Variants in CEP170 observed in about 807,000 individuals in gnomAD.
The protein encoded by CEP170 is centrosomal protein 170.
CEP170 carries 21 observed loss-of-function variants against 151.9 expected under a neutral mutation model. The ratio of observed to expected loss-of-function variants is 0.14; its 90% CI spans 0.10 to 0.20. The LOEUF (loss-of-function observed/expected upper bound fraction) is 0.20, where lower values mean the gene tolerates loss of function less well. Ranked by LOEUF, CEP170 falls within the 10% of genes least tolerant of loss-of-function variation. The probability of loss-of-function intolerance (pLI) is 1.00; values close to 1 mark genes in which losing one functional copy is unlikely to be tolerated. For missense variants in CEP170, 964 were observed against 1,892.9 expected, an observed-to-expected ratio of 0.51 and a Z score of 9.11; for synonymous variants, 356 against 648.8, an observed-to-expected ratio of 0.55 and a Z score of 6.86.
At chr1:243,172,130 A>G (rs2058891553) in intron 11 of CEP170, among the ~76,000 whole-genome samples, 1 of 152,216 alleles carries the variant, frequency 6.6e-6, no homozygotes, top group Admixed American at 6.5e-5. Context: ...GCCAATCAGA[A>G]CCATGAGCAT....
intron 15 of CEP170, among the ~76,000 whole-genome samples, chr1:243,140,977 A>C (rs1357317905): frequency 1.3e-5 from 2 of 152,254 alleles, no homozygotes; most frequent in African/African-American, 2.4e-5. Context: ...GATTTCATTT[A>C]CAGTTACATT....
Position 243,191,315 on chromosome 1 carries a change from G to A in CEP170, c.811C>T (p.His271Tyr), listed in dbSNP as rs372262282. ...GAAGCATGCCCTGCACCTGTTATAT[G>A]GGAACTTGGCGTGTCTTTTGTTGGG... ...EIPTKDTPSS[H>Y]ITGAGHASFT... The change falls in exon 8 of 20, where the codon CAT becomes TAT. Residue 271 changes from histidine (H) to tyrosine (Y), a missense_variant. Transcript: ENST00000366542. 2 of 1,613,254 alleles carry A rather than the reference G, an allele frequency of 1.2e-6. No homozygotes were observed. Among genetic ancestry groups the A allele is most frequent in the African/African-American group, 1.3e-5 (1 of 74,866 alleles).
chr1:243,153,144 T>G (rs1371054912), intron 14 of CEP170, among the ~76,000 whole-genome samples: 1 of 152,068 alleles, frequency 6.6e-6, no homozygotes, highest in Non-Finnish European at 1.5e-5. Context: ...AAGACTAGAG[T>G]TAGAAGTGAA....
At chr1:243,167,968 T>C (rs2058560191) in intron 12 of CEP170, among the ~76,000 whole-genome samples, 1 of 152,018 alleles carries the variant, frequency 6.6e-6, no homozygotes, top group Non-Finnish European at 1.5e-5. Context: ...TTCATTTAAA[T>C]ATGATGACAT....
chr1:243,189,465 A>C (rs1464310364), intron 8 of CEP170, among the ~76,000 whole-genome samples: 1 of 151,252 alleles, frequency 6.6e-6, no homozygotes, highest in Admixed American at 6.6e-5. Flanking sequence ...CTGAGGCAGG[A>C]GAATCGCGTG....
At chr1:243,176,779 G>A (rs1202380864) in intron 10 of CEP170, 13 of 388,220 alleles carry the variant, frequency 3.3e-5, no homozygotes, top group Middle Eastern at 3.7e-4. Context: ...AGGAGGTTAC[G>A]TCTGATAAAG....
chr1:243,222,001 G>A (rs1485030670), intron 2 of CEP170, among the ~76,000 whole-genome samples, 188 bp from the exon 3 acceptor site: 1 of 152,182 alleles, frequency 6.6e-6, no homozygotes, highest in Non-Finnish European at 1.5e-5. Context: ...GCCCAAAGAG[G>A]AAAACATAAA....
At chr1:243,230,267 C>T (rs1243160876) in intron 1 of CEP170, among the ~76,000 whole-genome samples, 7 of 151,798 alleles carry the variant, frequency 4.6e-5, no homozygotes, top group Admixed American at 6.6e-5. Flanking sequence ...ATGCCCTGCA[C>T]GTCAGTCTGG....
intron 13 of CEP170, among the ~76,000 whole-genome samples, chr1:243,158,569 C>T (rs1023317033): frequency 1.1e-4 from 16 of 152,018 alleles, no homozygotes; most frequent in Non-Finnish European, 1.6e-4. Flanking sequence ...TATTAATATA[C>T]GTTAAATGTC....
intron 17 of CEP170, among the ~76,000 whole-genome samples, chr1:243,134,651 C>G (rs2148227424): frequency 6.6e-6 from 1 of 151,866 alleles, no homozygotes; most frequent in African/African-American, 2.4e-5. Flanking sequence ...GCATGTGCCA[C>G]CATGCCCAGC....
chr1:243,133,310 C>T (rs1249616809), intron 17 of CEP170, among the ~76,000 whole-genome samples: 1 of 152,208 alleles, frequency 6.6e-6, no homozygotes, highest in East Asian at 1.9e-4. Flanking sequence ...ACATCAAAAA[C>T]AGTGCTAGAC....
At chr1:243,232,167 G>A (rs1021550235) in intron 1 of CEP170, among the ~76,000 whole-genome samples, 15 of 152,008 alleles carry the variant, frequency 9.9e-5, no homozygotes, top group Non-Finnish European at 1.8e-4. Flanking sequence ...GTTTTGCCAT[G>A]TTTCCCAGGC....
intron 10 of CEP170, among the ~76,000 whole-genome samples, chr1:243,183,235 G>GA (rs1489887762): frequency 2.0e-5 from 3 of 152,098 alleles, no homozygotes; most frequent in Non-Finnish European, 4.4e-5. Flanking sequence ...CTAAATAAAT[G>GA]AATCAATGAA....
chr1:243,189,042 A>G (rs2060110829), intron 8 of CEP170, among the ~76,000 whole-genome samples: 2 of 152,212 alleles, frequency 1.3e-5, no homozygotes, highest in South Asian at 2.1e-4. Context: ...ATCCAAAAGA[A>G]GAGTTCTCAC....
At chr1:243,198,094 G>C (rs2060781795) in intron 7 of CEP170, among the ~76,000 whole-genome samples, 1 of 152,056 alleles carries the variant, frequency 6.6e-6, no homozygotes, top group African/African-American at 2.4e-5. Flanking sequence ...AGTTCTCATG[G>C]AATTTATCCT....
At chr1:243,173,839 T>C (rs1487743257) in intron 10 of CEP170, among the ~76,000 whole-genome samples, 1 of 152,218 alleles carries the variant, frequency 6.6e-6, no homozygotes. Flanking sequence ...CTTTGCTCTA[T>C]TATTTTTGTG....
intron 1 of CEP170, among the ~76,000 whole-genome samples, chr1:243,253,660 C>T (rs1486494135): frequency 2.6e-5 from 4 of 152,134 alleles, no homozygotes; most frequent in South Asian, 2.1e-4. Flanking sequence ...AGGGTTATAC[C>T]AGTGAAGATC....
At position 243,199,139 on chromosome 1, in the gene CEP170, C is replaced by T; in HGVS notation, c.552G>A (p.Gly184=). Residue 184 remains glycine, a synonymous_variant, in exon 7 of 20, where the codon GGG becomes GGA. Transcript: ENST00000366542. ...CTCTTTTTTCATCCACCTCATCATC[C>T]CCCCACCATGACGGCTGCCCATATA... ...TPLYGQPSWW[G]DDEVDEKRAF... 7 of 1,612,088 alleles carry T rather than the reference C, an allele frequency of 4.3e-6. No individual in the cohort carries two copies. The highest frequency in any genetic ancestry group is 5.9e-6 in the Non-Finnish European group (7 of 1,178,804).
chr1:243,219,089 T>G (rs1225740181), intron 3 of CEP170, among the ~76,000 whole-genome samples: 2 of 152,238 alleles, frequency 1.3e-5, no homozygotes, highest in Non-Finnish European at 2.9e-5. Flanking sequence ...TTTTGGCTGC[T>G]AAAGACCTTT....
Sources: gnomAD v4.1 joint callset for allele counts (sites outside exome capture counted in the v4.1 genomes callset) on GRCh38, gnomAD v4.1.1 for gene constraint, MANE v1.5 for transcripts, NCBI Gene and HGNC (gene_info 2026-07-23, HGNC 2026-07-21) for gene names.